Variants in KIR2DL1 observed in about 807,000 individuals in gnomAD.
The protein encoded by KIR2DL1 is killer cell immunoglobulin-like receptor 2DL1.
Under a neutral mutation model 33.9 loss-of-function variants are expected in KIR2DL1, and 38 were observed. That is an observed-to-expected ratio of 1.12 (90% CI 0.86 to 1.47). The LOEUF is 1.47. KIR2DL1 is among the 40% of genes most tolerant of loss of function. KIR2DL1 has a pLI of 0.00. For synonymous variants in KIR2DL1, 179 were observed against 165.9 expected, an observed-to-expected ratio of 1.08 and a Z score of -0.61; for missense variants, 531 against 433.9, an observed-to-expected ratio of 1.22 and a Z score of -1.99.
chr19:54,776,333 C>CT (rs2076337317), intron 4 of KIR2DL1, among the ~76,000 whole-genome samples: 1 of 147,606 alleles, frequency 6.8e-6, no homozygotes, highest in Non-Finnish European at 1.5e-5. Context: ...TGAGATCCAC[C>CT]TTTTAGCTCC....
In KIR2DL1 at chr19:54,778,660, C is replaced by A. The variant is rs1600814452; in HGVS notation, c.713C>A (p.Thr238Asn). ...WPSPTEPSSK[T>N]GNPRHLHILI... Reference sequence around the variant, plus strand: ...TCACCCACTGAACCAAGCTCCAAAACCGGTGAGTACAGAACCCTCTTATAT... The same window carrying A: ...TCACCCACTGAACCAAGCTCCAAAAACGGTGAGTACAGAACCCTCTTATAT... The change falls in exon 5 of 8, where the codon ACC (threonine) becomes AAC (asparagine). Residue 238 changes from threonine to asparagine, a missense_variant and splice_region_variant. Thr to Asn is a moderately conservative substitution (Grantham distance 65). Coordinates refer to ENST00000336077, the MANE Select transcript of KIR2DL1 (RefSeq NM_014218.3). The A allele has an allele frequency of 1.3e-6, 2 of 1,550,954 alleles. No individual in the cohort carries two copies. The highest frequency in any genetic ancestry group is 2.3e-5 in the South Asian group (2 of 88,290).
rs543972158 is a variant in KIR2DL1, at chr19:54,780,516, C to A, written c.715+1854C>A. ...CAACAAGGAGTGTGTGTTTGACACT[C>A]ACAGCCATTGGATTCACCTCGGGGT... On this transcript the variant is annotated intron_variant, in intron 5 of 7. Coordinates refer to ENST00000336077, the MANE Select transcript of KIR2DL1 (RefSeq NM_014218.3). 4.0e-3 allele frequency among the ~76,000 whole-genome samples: 573 copies of A among 143,362 alleles called. 3 individuals carry two copies. Among genetic ancestry groups the A allele is most frequent in the African/African-American group, 0.014 (549 of 38,486 alleles). 94.1% of individuals were successfully genotyped at this position (143,362 alleles called of 152,430 possible).
rs1356489907 is a variant in KIR2DL1, at chr19:54,778,493, G to A, written c.665-119G>A. On this transcript the variant is annotated intron_variant, in intron 4 of 7. Coordinates refer to ENST00000336077, the MANE Select transcript of KIR2DL1 (RefSeq NM_014218.3). ...AAAATTATGGAAAAAAGGATCCCAG[G>A]ACTCCCAGGGCTCAATATTAGATAA... 6.9e-6 allele frequency: 7 copies of A among 1,019,490 alleles called. No individual in the cohort carries two copies. In the East Asian group the frequency reaches 1.2e-4, roughly 17 times the overall value. The allele number at this position is 1,019,490 out of a possible 1,614,324, so 63.2% of individuals were successfully genotyped here.
At chr19:54,771,070 G>T (rs2075661099) in intron 2 of KIR2DL1, among the ~76,000 whole-genome samples, 186 bp downstream of exon 2, 2 of 148,592 alleles carry the variant, frequency 1.3e-5, no homozygotes, top group Middle Eastern at 3.5e-3. Flanking sequence ...GTTCTGTGGG[G>T]ACCAGGGTTA....
intron 2 of KIR2DL1, among the ~76,000 whole-genome samples, chr19:54,772,196 G>A (rs2075810856): frequency 1.4e-5 from 2 of 147,628 alleles, no homozygotes; most frequent in African/African-American, 2.5e-5. Flanking sequence ...GTCCTGATGG[G>A]CTCAGTGTAG....
At chr19:54,782,821 G>C (rs1600884045) in intron 5 of KIR2DL1, 101 bp from the exon 6 acceptor site, 1 of 1,292,012 alleles carries the variant, frequency 7.7e-7, no homozygotes, top group South Asian at 1.2e-5. Flanking sequence ...TTGTCCTAAA[G>C]AGGTGTTTTA....
At chr19:54,778,320 T>G (rs1327554729) in intron 4 of KIR2DL1, among the ~76,000 whole-genome samples, 7 of 149,712 alleles carry the variant, frequency 4.7e-5, no homozygotes, top group African/African-American at 1.7e-4. Flanking sequence ...TTATTCATTC[T>G]GCTCCGTTGT....
chr19:54,770,497 A>G lies in KIR2DL1; in HGVS notation c.35-352A>G, dbSNP rs1237805746. Among the ~76,000 whole-genome samples the G allele has an allele frequency of 2.1e-4, 27 of 131,514 alleles. 1 individual carries two copies. The highest frequency in any genetic ancestry group is 1.9e-3 in the Admixed American group (25 of 12,964). The allele number at this position is 131,514 out of a possible 152,430, so 86.3% of individuals were successfully genotyped here. A position where few individuals can be genotyped will look rare whatever the true frequency, so the allele number is the denominator to read the frequency against. On this transcript the variant is annotated intron_variant, in intron 1 of 7. Coordinates refer to ENST00000336077, the MANE Select transcript of KIR2DL1 (RefSeq NM_014218.3). ...ATATGGGACTGGAGAGGAGATATGG[A>G]CCTGGAGTGGAGATAAGGGCCTGGA...
intron 2 of KIR2DL1, among the ~76,000 whole-genome samples, chr19:54,772,650 G>A (rs673329): frequency 0.24 from 31,119 of 127,364 alleles, 462 homozygotes; most frequent in South Asian, 0.35. Context: ...AGGTTGCAGT[G>A]AGCCTAGACC....
chr19:54,776,904 A>G (rs2076414020), intron 4 of KIR2DL1, among the ~76,000 whole-genome samples: 1 of 147,900 alleles, frequency 6.8e-6, no homozygotes, highest in Non-Finnish European at 1.5e-5. Context: ...AGTCTCCCAA[A>G]GTGCCGGGAT....
chr19:54,781,622 G>A (rs1345318763), intron 5 of KIR2DL1, among the ~76,000 whole-genome samples: 2 of 151,644 alleles, frequency 1.3e-5, no homozygotes, highest in African/African-American at 4.8e-5. Context: ...AGGTGGTTTT[G>A]AAGCAATAGA....
Position 54,773,571 on chromosome 19 carries a change from T to A in KIR2DL1, c.309T>A (p.Ser103=). The A allele has an allele frequency of 6.3e-7, 1 of 1,581,476 alleles. No individual in the cohort carries two copies. Among genetic ancestry groups the A allele is most frequent in the Middle Eastern group, 1.7e-4 (1 of 5,976 alleles). The change falls in exon 3 of 8, where the codon TCT becomes TCA. Residue 103 remains serine, a synonymous_variant. Transcript: ENST00000336077. ...DLAGTYRCYG[S]VTHSPYQVSA... is the part of the protein sequence containing the mutation. ...CAGGGACCTACAGATGCTACGGTTC[T>A]GTTACTCACTCCCCCTATCAGGTGT...
intron 5 of KIR2DL1, among the ~76,000 whole-genome samples, chr19:54,781,250 T>C (rs1358973362): frequency 7.3e-6 from 1 of 137,622 alleles, no homozygotes; most frequent in Non-Finnish European, 1.6e-5. Context: ...ATTCCAATCA[T>C]CGTTTTTCTA....
chr19:54,779,263 T>G (rs1230876481), intron 5 of KIR2DL1, among the ~76,000 whole-genome samples: 1 of 148,502 alleles, frequency 6.7e-6, no homozygotes, highest in Non-Finnish European at 1.5e-5. Flanking sequence ...TTTTTAATTA[T>G]CTTACAGTGC....
Position 54,783,935 on chromosome 19 carries a change from A to T in KIR2DL1, c.*122A>T. 4 of 1,395,406 alleles carry T rather than the reference A, an allele frequency of 2.9e-6. No individual in the cohort carries two copies. Among genetic ancestry groups the T allele is most frequent in the Non-Finnish European group, 4.1e-6 (4 of 983,836 alleles). The allele number at this position is 1,395,406 out of a possible 1,614,324, so 86.4% of individuals were successfully genotyped here. A position where few individuals can be genotyped will look rare whatever the true frequency, so the allele number is the denominator to read the frequency against. On this transcript the variant is annotated 3_prime_UTR_variant, in exon 8 of 8. Transcript: ENST00000336077. ...AAGGCGTGAGTCTGCATCTTAGGGC[A>T]TCGATCTTCCTCACACCACAAATCT...
At chr19:54,773,097 A>G (rs2075942253) in intron 2 of KIR2DL1, among the ~76,000 whole-genome samples, 1 of 148,672 alleles carries the variant, frequency 6.7e-6, no homozygotes, top group Non-Finnish European at 1.5e-5. Flanking sequence ...CCAAGAGATG[A>G]GGCTGAGCCC....
intron 1 of KIR2DL1, among the ~76,000 whole-genome samples, chr19:54,770,165 ATG>A (rs2075498958): frequency 7.2e-6 from 1 of 139,386 alleles, no homozygotes; most frequent in Non-Finnish European, 1.6e-5. Flanking sequence ...GAGGGGAGAT[ATG>A]GGCCTGGAGG....
At chr19:54,770,392 G>A (rs2075546338) in intron 1 of KIR2DL1, among the ~76,000 whole-genome samples, 1 of 144,882 alleles carries the variant, frequency 6.9e-6, no homozygotes, top group Non-Finnish European at 1.5e-5. Context: ...GCCTGGAGAG[G>A]AGATATGTGC....
chr19:54,778,870 G>T (rs1380385997), intron 5 of KIR2DL1, among the ~76,000 whole-genome samples: 47 of 148,292 alleles, frequency 3.2e-4, no homozygotes, highest in South Asian at 2.4e-3. Context: ...ATGGAGCTGA[G>T]ACCTCCTACA....
Sources: allele counts gnomAD v4.1 joint callset (sites outside exome capture counted in the v4.1 genomes callset), GRCh38; gene constraint gnomAD v4.1.1; transcripts MANE v1.5; gene names NCBI Gene and HGNC (gene_info 2026-07-23, HGNC 2026-07-21).